PDE3A: variants seen among roughly 807,000 people sequenced by gnomAD.
The protein encoded by PDE3A is phosphodiesterase 3A, also known as cGMP-inhibited 3',5'-cyclic phosphodiesterase 3A.
PDE3A carries 43 observed loss-of-function variants against 98.3 expected under a neutral mutation model. The ratio of observed to expected loss-of-function variants is 0.44; its 90% CI spans 0.34 to 0.56. PDE3A has a LOEUF of 0.56. Among genes scored for constraint, PDE3A ranks in the 20% least tolerant of loss-of-function variants. The pLI is 0.01. For missense variants in PDE3A, 1,427 were observed against 1,440.7 expected (o/e 0.99, Z 0.15); for synonymous variants, 663 against 567.9 (o/e 1.17, Z -2.38).
intron 1 of PDE3A, among the ~76,000 whole-genome samples, chr12:20,481,750 G>C (rs1293853526): frequency 1.5e-5 from 2 of 137,594 alleles, no homozygotes; most frequent in African/African-American, 5.6e-5. Context: ...CCATGTAAGT[G>C]ACTTGGGAAA....
intron 15 of PDE3A, among the ~76,000 whole-genome samples, chr12:20,654,660 CTTTTTTTTT>C (rs71442265): frequency 2.3e-5 from 2 of 85,858 alleles, no homozygotes; most frequent in Non-Finnish European, 4.3e-5. Flanking sequence ...CTACACCCGG[CTTTTTTTTT>C]TTTTTTTTTT....
At chr12:20,636,564 A>G (rs1047834585) in intron 8 of PDE3A, among the ~76,000 whole-genome samples, 3 of 152,152 alleles carry the variant, frequency 2.0e-5, no homozygotes, top group African/African-American at 7.2e-5. Flanking sequence ...AAATATGGCA[A>G]TTGTTATTCT....
intron 2 of PDE3A, among the ~76,000 whole-genome samples, chr12:20,586,039 G>A (rs985160401): frequency 1.2e-4 from 18 of 152,314 alleles, no homozygotes; most frequent in Admixed American, 6.5e-5. Context: ...AGCAAAACAG[G>A]TTAGCAAAGG....
chr12:20,394,883 A>G (rs922845616), intron 1 of PDE3A, among the ~76,000 whole-genome samples: 15 of 152,046 alleles, frequency 9.9e-5, no homozygotes, highest in African/African-American at 3.6e-4. Flanking sequence ...TAAACATCCT[A>G]CAGTTCAGAG....
chr12:20,416,641 G>T (rs1288795273), intron 1 of PDE3A, among the ~76,000 whole-genome samples: 1 of 152,154 alleles, frequency 6.6e-6, no homozygotes, highest in Non-Finnish European at 1.5e-5. Context: ...GTGTATTTCA[G>T]TTGCATCTTT....
At chr12:20,435,096 G>C (rs1430351942) in intron 1 of PDE3A, among the ~76,000 whole-genome samples, 1 of 152,150 alleles carries the variant, frequency 6.6e-6, no homozygotes, top group Non-Finnish European at 1.5e-5. Context: ...CTGAGTGCTG[G>C]AGCACAGCAG....
chr12:20,676,066 C>T (rs117959657), intron 15 of PDE3A, among the ~76,000 whole-genome samples: 204 of 152,206 alleles, frequency 1.3e-3, no homozygotes, highest in Non-Finnish European at 2.6e-3. Flanking sequence ...CTTTCTCTCT[C>T]TCTCTCTCTG....
Position 20,613,485 on chromosome 12 carries a change from G to A in PDE3A, c.1054G>A (p.Glu352Lys), listed in dbSNP as rs1943918787. 1.2e-6 allele frequency: 2 copies of A among 1,613,882 alleles called. No homozygotes were observed. Among genetic ancestry groups the A allele is most frequent in the East Asian group, 2.2e-5 (1 of 44,864 alleles). ...TACTGTGGACATCGCCGTCATGGGCGAGGCCCACGGCCTCATTACCGACCT... is the reference window on the plus strand; with the variant it reads ...TACTGTGGACATCGCCGTCATGGGCAAGGCCCACGGCCTCATTACCGACCT... ...SITVDIAVMG[E>K]AHGLITDLLA... The change falls in exon 3 of 16, where the codon GAG becomes AAG. Residue 352 changes from glutamate (E) to lysine (K), a missense_variant. Glu to Lys is a moderately conservative substitution (Grantham distance 56, BLOSUM62 1). Transcript: ENST00000359062.
At chr12:20,500,330 C>A (rs564694933) in intron 1 of PDE3A, among the ~76,000 whole-genome samples, 137 of 152,186 alleles carry the variant, frequency 9.0e-4, no homozygotes, top group Non-Finnish European at 1.6e-3. Context: ...TGCATTTTAT[C>A]TTACTTGGAA....
At chr12:20,449,543 C>T (rs73069191) in intron 1 of PDE3A, 4,027 of 252,998 alleles carry the variant, frequency 0.016, 39 homozygotes, top group Non-Finnish European at 0.022. Flanking sequence ...GGCGGTGGCA[C>T]GTGTCAGTTT....
chr12:20,466,091 C>T (rs561739612), intron 1 of PDE3A, among the ~76,000 whole-genome samples: 8 of 152,188 alleles, frequency 5.3e-5, no homozygotes, highest in South Asian at 4.2e-4. Context: ...AAGCATGTTC[C>T]CTAGAGATCT....
intron 2 of PDE3A, among the ~76,000 whole-genome samples, chr12:20,586,227 T>A (rs1164002839): frequency 6.6e-6 from 1 of 152,032 alleles, no homozygotes; most frequent in Non-Finnish European, 1.5e-5. Flanking sequence ...TGAGTTGAGA[T>A]GGAAATGATT....
chr12:20,556,595 TAAA>T, intron 1 of PDE3A, 62 bp from the exon 2 acceptor site: 3 of 1,035,530 alleles, frequency 2.9e-6, no homozygotes, highest in Non-Finnish European at 4.5e-6. Context: ...TTCTTTAAAA[TAAA>T]GAAGAAAAAT....
Position 20,550,360 on chromosome 12 carries a change from A to G in PDE3A, c.961-6300A>G, listed in dbSNP as rs1161513777. 2.6e-5 allele frequency among the ~76,000 whole-genome samples: 4 copies of G among 152,252 alleles called. No homozygotes were observed. In the East Asian group the frequency reaches 7.7e-4, roughly 29 times the overall value. On this transcript the variant is annotated intron_variant, in intron 1 of 15. Coordinates refer to ENST00000359062, the MANE Select transcript of PDE3A (RefSeq NM_000921.5). ...TTTATTGCCACTTTAAAGTTGCCAA[A>G]AATAATGAGCTCATCTTCCTATTTT...
chr12:20,391,898 T>A (rs900941816), intron 1 of PDE3A, among the ~76,000 whole-genome samples: 1 of 151,846 alleles, frequency 6.6e-6, no homozygotes, highest in Non-Finnish European at 1.5e-5. Context: ...TGTAGAACAA[T>A]AATTTGTGAA....
At chr12:20,654,521 G>A (rs891083433) in intron 15 of PDE3A, among the ~76,000 whole-genome samples, 2 of 109,316 alleles carry the variant, frequency 1.8e-5, no homozygotes, top group African/African-American at 3.9e-5. Context: ...TTTTGAGGCA[G>A]AGTCTTGCTC....
In PDE3A at chr12:20,684,687, A is replaced by T. The variant is rs1468161046; in HGVS notation, c.*4416A>T. On this transcript the variant is annotated 3_prime_UTR_variant, in exon 16 of 16. Transcript: ENST00000359062. ...ATCTTCAACAAAATTCAATTTTAAGATTAAGAAATCAGCAATTTTAGGTAA... is the reference window on the plus strand; with the variant it reads ...ATCTTCAACAAAATTCAATTTTAAGTTTAAGAAATCAGCAATTTTAGGTAA... Among the ~76,000 whole-genome samples the T allele has an allele frequency of 6.6e-6, 1 of 152,218 alleles. No individual in the cohort carries two copies. Among genetic ancestry groups the T allele is most frequent in the Non-Finnish European group, 1.5e-5 (1 of 68,030 alleles).
At chr12:20,535,696 A>G (rs891752291) in intron 1 of PDE3A, among the ~76,000 whole-genome samples, 2 of 152,138 alleles carry the variant, frequency 1.3e-5, no homozygotes, top group African/African-American at 4.8e-5. Context: ...TTAAAATGAG[A>G]TGGCCAGAAT....
At chr12:20,536,442 T>C (rs1489220210) in intron 1 of PDE3A, among the ~76,000 whole-genome samples, 1 of 152,032 alleles carries the variant, frequency 6.6e-6, no homozygotes, top group African/African-American at 2.4e-5. Flanking sequence ...TTTTAGTATA[T>C]TCACAAAGTT....
Sources: gnomAD v4.1 joint callset for allele counts (sites outside exome capture counted in the v4.1 genomes callset) on GRCh38, gnomAD v4.1.1 for gene constraint, MANE v1.5 for transcripts, NCBI Gene and HGNC (gene_info 2026-07-23, HGNC 2026-07-21) for gene names.